Variants in PRDM11 observed in about 807,000 individuals in gnomAD.
The protein encoded by PRDM11 is PR domain-containing protein 11.
In PRDM11, 20 loss-of-function variants were observed where a neutral mutation model predicts 97.8. That is an observed-to-expected ratio of 0.20 (90% CI 0.14 to 0.30). The LOEUF is 0.30. PRDM11 is among the 10% of genes least tolerant of loss of function. The pLI is 1.00. For missense variants in PRDM11, 1,139 were observed against 1,555.2 expected, an observed-to-expected ratio of 0.73 and a Z score of 4.50; for synonymous variants, 599 against 637.7, an observed-to-expected ratio of 0.94 and a Z score of 0.91.
chr11:45,224,089 C>A, intron 6 of PRDM11, 128 bp from the exon 7 acceptor site: 1 of 1,143,690 alleles, frequency 8.7e-7, no homozygotes, highest in Non-Finnish European at 1.2e-6. Context: ...CTTTGCAACA[C>A]TTGCCCCAAA....
rs1852516452 is a variant in PRDM11 at position 45,181,852 on chromosome 11, C to T, written c.86C>T (p.Ser29Leu). 1 of 1,613,224 alleles carries T rather than the reference C, an allele frequency of 6.2e-7. No homozygotes were observed. The highest frequency in any genetic ancestry group is 1.7e-5 in the Admixed American group (1 of 59,970). Residue 29 changes from serine (S) to leucine (L), a missense_variant, in exon 2 of 8, where the codon TCA becomes TTA. By Grantham distance (145) the Ser-to-Leu change is moderately radical. Transcript: ENST00000683152. Reference protein sequence around the residue: ...MVTVVKTEVCSPLRDQEYGQP... With the variant: ...MVTVVKTEVCLPLRDQEYGQP... ...ACGGTGGTGAAGACGGAGGTCTGCT[C>T]ACCACTCCGAGACCAGGAGTATGGC...
rs553520215 is a variant in PRDM11 at position 45,184,618 on chromosome 11, A to G, written c.486+1495A>G. 1.6e-3 allele frequency among the ~76,000 whole-genome samples: 243 copies of G among 152,332 alleles called. 1 individual carries two copies. The highest frequency in any genetic ancestry group is 2.5e-3 in the Non-Finnish European group (172 of 68,028). On this transcript the variant is annotated intron_variant, in intron 4 of 7. Transcript: ENST00000683152. ...TATCAAGGACATCTGCAGTCTCCCA[A>G]CAGGTTGTTAATGGTGTCTTTCTCT...
chr11:45,105,638 C>A (rs992392443), intron 1 of PRDM11, among the ~76,000 whole-genome samples: 6 of 152,254 alleles, frequency 3.9e-5, no homozygotes, highest in African/African-American at 1.4e-4. Flanking sequence ...CCAGTCCAGG[C>A]CCCTCTGGGA....
chr11:45,151,352 T>G (rs2135684722), intron 1 of PRDM11, among the ~76,000 whole-genome samples: 1 of 152,354 alleles, frequency 6.6e-6, no homozygotes, highest in East Asian at 1.9e-4. Context: ...AAGAAAATTG[T>G]GCTGTTGTTT....
In PRDM11 at chr11:45,176,059, C is replaced by T. The variant is rs1263668399; in HGVS notation, c.-6-5702C>T. The stretch of plus-strand genomic sequence containing the variant: ...ATAAAAAGTATTTATTAGGGGTATT[C>T]ACTGCTTGTAAAGGCCCTCTTCTAA... On this transcript the variant is annotated intron_variant, in intron 1 of 7. Coordinates refer to ENST00000683152, the MANE Select transcript of PRDM11 (RefSeq NM_001384648.1). Among the ~76,000 whole-genome samples the T allele has an allele frequency of 3.3e-5, 5 of 151,918 alleles. No homozygotes were observed. In the East Asian group the frequency reaches 9.7e-4, roughly 29 times the overall value.
At chr11:45,223,781 C>T (rs1004998071) in intron 6 of PRDM11, among the ~76,000 whole-genome samples, 3 of 152,094 alleles carry the variant, frequency 2.0e-5, no homozygotes, top group South Asian at 4.1e-4. Context: ...TTTACCAAGT[C>T]GAAGCAGCCA....
At chr11:45,164,902 G>A (rs1852023029) in intron 1 of PRDM11, among the ~76,000 whole-genome samples, 1 of 152,162 alleles carries the variant, frequency 6.6e-6, no homozygotes, top group African/African-American at 2.4e-5. Context: ...GTGCAGATGG[G>A]TAAACTGAGG....
intron 1 of PRDM11, among the ~76,000 whole-genome samples, chr11:45,099,409 C>A (rs1851935085): frequency 6.8e-6 from 1 of 146,896 alleles, no homozygotes; most frequent in African/African-American, 2.6e-5. Context: ...CAAGATCGTG[C>A]CACTGCACTC....
intron 4 of PRDM11, among the ~76,000 whole-genome samples, chr11:45,200,015 C>G (rs1023357097): frequency 6.6e-6 from 1 of 152,198 alleles, no homozygotes; most frequent in African/African-American, 2.4e-5. Flanking sequence ...TTCTGCGTCC[C>G]GCTAGGCTGT....
rs554577234 is a variant in PRDM11 at position 45,172,714 on chromosome 11, T to C, written c.-6-9047T>C. Among the ~76,000 whole-genome samples the C allele has an allele frequency of 2.0e-5, 3 of 152,334 alleles. No homozygotes were observed. In the South Asian group the frequency reaches 6.2e-4, roughly 32 times the overall value. On this transcript the variant is annotated intron_variant, in intron 1 of 7. Transcript: ENST00000683152. ...AGCATTAACATTGTATAAGGCATTA[T>C]AAGTAATCTAGAGATGATTTAAAGT...
intron 1 of PRDM11, among the ~76,000 whole-genome samples, chr11:45,126,553 A>G (rs1852578160): frequency 6.6e-6 from 1 of 152,046 alleles, no homozygotes; most frequent in African/African-American, 2.4e-5. Flanking sequence ...ATCTCTCAGC[A>G]TTTGCTTGTC....
rs923292995 is a variant in PRDM11, at chr11:45,171,835, A to G, written c.-6-9926A>G. On this transcript the variant is annotated intron_variant, in intron 1 of 7. Coordinates refer to ENST00000683152, the MANE Select transcript of PRDM11 (RefSeq NM_001384648.1). Reference sequence around the variant, plus strand: ...GTTCAGCACCTCAACCGTGTCAGTTACAGTTTCTGTCTCTGAGATGGTTCC... The same window carrying G: ...GTTCAGCACCTCAACCGTGTCAGTTGCAGTTTCTGTCTCTGAGATGGTTCC... 3.3e-5 allele frequency among the ~76,000 whole-genome samples: 5 copies of G among 152,232 alleles called. No individual in the cohort carries two copies. In the East Asian group the frequency reaches 5.8e-4, roughly 18 times the overall value.
chr11:45,215,353 A>G (rs1284132151), intron 5 of PRDM11, among the ~76,000 whole-genome samples: 1 of 152,206 alleles, frequency 6.6e-6, no homozygotes, highest in Non-Finnish European at 1.5e-5. Context: ...CCCTTTCTAG[A>G]AGGTTCTAAC....
chr11:45,154,267 G>C (rs773475948), intron 1 of PRDM11, among the ~76,000 whole-genome samples: 5 of 152,174 alleles, frequency 3.3e-5, no homozygotes, highest in Non-Finnish European at 7.3e-5. Flanking sequence ...GAGGCGGGAA[G>C]ATCACTGGAC....
intron 1 of PRDM11, among the ~76,000 whole-genome samples, chr11:45,118,041 T>G (rs973205593): frequency 1.3e-5 from 2 of 151,352 alleles, no homozygotes; most frequent in Admixed American, 1.3e-4. Context: ...AAAAAAAAAT[T>G]GAACAAATTC....
chr11:45,194,706 C>T (rs1213154147), intron 4 of PRDM11, among the ~76,000 whole-genome samples: 1 of 143,650 alleles, frequency 7.0e-6, no homozygotes, highest in African/African-American at 2.6e-5. Flanking sequence ...TCACGCCATT[C>T]TCCTGCCTCA....
chr11:45,115,681 G>A (rs1291698541), intron 1 of PRDM11, among the ~76,000 whole-genome samples: 1 of 152,070 alleles, frequency 6.6e-6, no homozygotes, highest in Non-Finnish European at 1.5e-5. Flanking sequence ...TATAATCCCA[G>A]CACTTTGGGA....
intron 3 of PRDM11, 118 bp downstream of exon 3, chr11:45,182,467 C>A: frequency 1.1e-6 from 1 of 914,702 alleles, no homozygotes; most frequent in Non-Finnish European, 1.7e-6. Context: ...ATACCAGGCC[C>A]AGGTCCAGGC....
intron 4 of PRDM11, among the ~76,000 whole-genome samples, chr11:45,201,743 G>T (rs12284738): frequency 6.6e-6 from 1 of 152,048 alleles, no homozygotes; most frequent in African/African-American, 2.4e-5. Context: ...CGAGGTGGGC[G>T]GATCACGAGG....
Sources: gnomAD v4.1 joint callset for allele counts (sites outside exome capture counted in the v4.1 genomes callset) on GRCh38, gnomAD v4.1.1 for gene constraint, MANE v1.5 for transcripts, NCBI Gene and HGNC (gene_info 2026-07-23, HGNC 2026-07-21) for gene names.